CSMD1: variants seen among roughly 807,000 people sequenced by gnomAD.
CSMD1 encodes CUB and sushi domain-containing protein 1.
A neutral mutation model predicts 417.5 loss-of-function variants in CSMD1; 213 were observed. The ratio of observed to expected loss-of-function variants is 0.51; its 90% confidence interval spans 0.46 to 0.57. CSMD1 has a LOEUF of 0.57. Ranked by LOEUF, CSMD1 falls within the 20% of genes least tolerant of loss-of-function variation. CSMD1 has a pLI of 0.00. For missense variants in CSMD1, 6,923 were observed against 4,529.7 expected (o/e 1.53, Z -15.17); for synonymous variants, 2,862 against 1,736.8 (o/e 1.65, Z -16.11).
intron 5 of CSMD1, among the ~76,000 whole-genome samples, chr8:3,928,990 A>T (rs1171148740): frequency 6.6e-6 from 1 of 150,618 alleles, no homozygotes; most frequent in African/African-American, 2.5e-5. Flanking sequence ...TTGTCATTGT[A>T]TAAGAAATCT....
intron 7 of CSMD1, among the ~76,000 whole-genome samples, chr8:3,659,554 G>T (rs1278253268): frequency 1.3e-5 from 2 of 151,900 alleles, no homozygotes; most frequent in African/African-American, 4.8e-5. Flanking sequence ...TCTTTTTTTC[G>T]GGGGGTTATC....
Position 3,107,772 on chromosome 8 carries a change from G to A in CSMD1, c.6781C>T (p.Pro2261Ser), listed in dbSNP as rs190894161. ...ATTTCTGCCTGTGGAACCGCTGGGG[G>A]AGGTTGACATTTCTTGAGCTGAAAT... Reference protein sequence around the residue: ...HAFQLKKCQPPPAVPQAEMLT... With the variant: ...HAFQLKKCQPSPAVPQAEMLT... The change falls in exon 45 of 70, where the codon CCC (proline) becomes TCC (serine). Residue 2261 changes from proline (P) to serine (S), a missense_variant. By Grantham distance (74) the Pro-to-Ser change is moderately conservative. Coordinates refer to ENST00000635120, the MANE Select transcript of CSMD1 (RefSeq NM_033225.6). 6.3e-7 allele frequency: 1 copy of A among 1,586,698 alleles called. No homozygotes were observed. The highest frequency in any genetic ancestry group is 8.5e-7 in the Non-Finnish European group (1 of 1,171,512).
At chr8:3,972,594 CCTTT>C (rs1252867255) in intron 5 of CSMD1, among the ~76,000 whole-genome samples, 1 of 152,056 alleles carries the variant, frequency 6.6e-6, no homozygotes, top group East Asian at 1.9e-4. Flanking sequence ...TATAAAACGG[CCTTT>C]ATTTTTAATG....
intron 7 of CSMD1, among the ~76,000 whole-genome samples, chr8:3,661,443 G>T (rs1474247683): frequency 1.3e-5 from 2 of 152,116 alleles, no homozygotes; most frequent in Non-Finnish European, 2.9e-5. Flanking sequence ...CTCTGAATCT[G>T]CTGTGATTCT....
chr8:4,757,996 G>C (rs749209039), intron 1 of CSMD1, among the ~76,000 whole-genome samples: 1 of 146,514 alleles, frequency 6.8e-6, no homozygotes, highest in East Asian at 2.0e-4. Flanking sequence ...AGAGAAGAAA[G>C]CACCACATTA....
intron 3 of CSMD1, among the ~76,000 whole-genome samples, chr8:4,136,498 A>G (rs1162636457): frequency 3.9e-5 from 6 of 152,212 alleles, no homozygotes; most frequent in Admixed American, 2.0e-4. Flanking sequence ...CTATTATATT[A>G]CTGTCCACTA....
chr8:3,538,270 C>A (rs1357829347), intron 10 of CSMD1, among the ~76,000 whole-genome samples: 1 of 152,160 alleles, frequency 6.6e-6, no homozygotes, highest in Non-Finnish European at 1.5e-5. Context: ...GATGCTTCAC[C>A]TTCAGTGGTG....
intron 25 of CSMD1, among the ~76,000 whole-genome samples, chr8:3,302,009 C>G (rs577143431): frequency 6.6e-6 from 1 of 151,948 alleles, no homozygotes; most frequent in African/African-American, 2.4e-5. Flanking sequence ...GCTGTACAGT[C>G]CTATTTTCAT....
chr8:3,358,452 G>A (rs1224598926), intron 21 of CSMD1, among the ~76,000 whole-genome samples: 3 of 152,184 alleles, frequency 2.0e-5, no homozygotes, highest in East Asian at 1.9e-4. Context: ...AGCTACAACG[G>A]CAGTTACGAT....
intron 2 of CSMD1, among the ~76,000 whole-genome samples, chr8:4,504,355 A>G (rs1006576918): frequency 3.9e-5 from 6 of 152,220 alleles, no homozygotes; most frequent in South Asian, 2.1e-4. Flanking sequence ...TAAGGGGTAC[A>G]TGGTTTGGGT....
intron 2 of CSMD1, among the ~76,000 whole-genome samples, chr8:4,506,149 T>G (rs1042982195): frequency 1.9e-4 from 29 of 152,186 alleles, no homozygotes; most frequent in Non-Finnish European, 3.8e-4. Context: ...TGTATTAGAT[T>G]GGTGCAAAAG....
intron 3 of CSMD1, among the ~76,000 whole-genome samples, chr8:4,248,489 G>C (rs961396964): frequency 6.6e-6 from 1 of 152,128 alleles, no homozygotes; most frequent in Non-Finnish European, 1.5e-5. Flanking sequence ...GAATACTTTT[G>C]AACTATTCAT....
At chr8:3,377,072 G>C (rs1010347328) in intron 18 of CSMD1, among the ~76,000 whole-genome samples, 28 of 152,146 alleles carry the variant, frequency 1.8e-4, no homozygotes, top group Non-Finnish European at 3.8e-4. Flanking sequence ...GTAGTGGTGT[G>C]ATCTTGGCTC....
chr8:3,537,215 A>G (rs7008318), intron 10 of CSMD1, among the ~76,000 whole-genome samples: 71,255 of 151,796 alleles, frequency 0.47, 17,168 homozygotes, highest in African/African-American at 0.56. Flanking sequence ...TGGCCAAGAT[A>G]GTCAGTCTCG....
At chr8:3,173,372 G>C (rs1820702791) in intron 37 of CSMD1, among the ~76,000 whole-genome samples, 1 of 152,100 alleles carries the variant, frequency 6.6e-6, no homozygotes, top group African/African-American at 2.4e-5. Context: ...TATTTCCATG[G>C]TCCTTGGTGC....
At chr8:4,570,089 G>C (rs1798811166) in intron 2 of CSMD1, among the ~76,000 whole-genome samples, 1 of 152,138 alleles carries the variant, frequency 6.6e-6, no homozygotes, top group Non-Finnish European at 1.5e-5. Flanking sequence ...TGCAAACAGA[G>C]ACAACTTGAC....
At chr8:4,561,588 G>C (rs558945409) in intron 2 of CSMD1, among the ~76,000 whole-genome samples, 1 of 152,090 alleles carries the variant, frequency 6.6e-6, no homozygotes, top group African/African-American at 2.4e-5. Flanking sequence ...AGGCTGAAGT[G>C]GGAGGATCCC....
intron 1 of CSMD1, among the ~76,000 whole-genome samples, chr8:4,922,272 G>C (rs1049077305): frequency 1.3e-5 from 2 of 152,102 alleles, no homozygotes; most frequent in Non-Finnish European, 2.9e-5. Context: ...TGAATGTGTT[G>C]TTTAAAGGTA....
At chr8:3,202,319 C>T (rs757540485) in intron 31 of CSMD1, among the ~76,000 whole-genome samples, 2 of 152,196 alleles carry the variant, frequency 1.3e-5, no homozygotes, top group Non-Finnish European at 2.9e-5. Flanking sequence ...ATGCCAAATT[C>T]ACATTAATAC....
Sources: allele counts gnomAD v4.1 joint callset (sites outside exome capture counted in the v4.1 genomes callset), GRCh38; gene constraint gnomAD v4.1.1; transcripts MANE v1.5; gene names NCBI Gene and HGNC (gene_info 2026-07-23, HGNC 2026-07-21).